The following RNF123 variants were observed in gnomAD, a reference collection of about 807,000 sequenced individuals.
RNF123 encodes the protein E3 ubiquitin-protein ligase RNF123.
In RNF123, 86 loss-of-function variants were observed where a neutral mutation model predicts 168.5. The observed-to-expected ratio is 0.51, with a 90% confidence interval of 0.43 to 0.61. RNF123 has a LOEUF of 0.61. RNF123 is among the 20% of genes least tolerant of loss of function. The probability of loss-of-function intolerance (pLI) is 0.00; values close to 1 mark genes in which losing one functional copy is unlikely to be tolerated. For missense variants in RNF123, 1,419 were observed against 1,729.7 expected, an observed-to-expected ratio of 0.82 and a Z score of 3.19; for synonymous variants, 666 against 689.1, an observed-to-expected ratio of 0.97 and a Z score of 0.52.
chr3:49,701,805 G>C lies in RNF123; in HGVS notation c.1396-6G>C. On this transcript the variant is annotated splice_polypyrimidine_tract_variant and splice_region_variant and intron_variant, in intron 16 of 38. Transcript: ENST00000327697. ...CTGCTGTATTCCACCTGCTACCCCT[G>C]CCTAGGGCAAAGAGAGCACGGAGAT... 1 of 1,567,754 alleles carries C rather than the reference G, an allele frequency of 6.4e-7. No individual in the cohort carries two copies. The highest frequency in any genetic ancestry group is 1.2e-5 in the South Asian group (1 of 85,394).
In RNF123 at chr3:49,691,189, G is replaced by A; in HGVS notation, c.24G>A (p.Met8Ile). 6.2e-7 allele frequency: 1 copy of A among 1,613,926 alleles called. No homozygotes were observed. The highest frequency in any genetic ancestry group is 8.5e-7 in the Non-Finnish European group (1 of 1,179,834). MASKGAG[M>I]SFSRKSYRLT... ...GGATGGCATCCAAGGGGGCCGGCAT[G>A]TCTTTCTCCCGCAAGAGCTATAGGC... Residue 8 changes from methionine to isoleucine, a missense_variant, in exon 2 of 39, where the codon ATG (methionine) becomes ATA (isoleucine). Physicochemically the swap from Met to Ile is conservative, Grantham distance 10 (BLOSUM62 1). Transcript: ENST00000327697.
chr3:49,702,868 C>A, intron 20 of RNF123, 115 bp downstream of exon 20: 1 of 1,490,352 alleles, frequency 6.7e-7, no homozygotes, highest in Non-Finnish European at 9.1e-7. Context: ...GAGTTGTCCC[C>A]GGCATCCTGC....
intron 35 of RNF123, chr3:49,718,088 C>G: frequency 6.2e-7 from 1 of 1,613,614 alleles, no homozygotes; most frequent in South Asian, 1.1e-5. Flanking sequence ...CCCCTCCGGC[C>G]TGGCTCCAGA....
chr3:49,717,968 C>T (rs1245396749), intron 35 of RNF123: 1 of 1,612,892 alleles, frequency 6.2e-7, no homozygotes, highest in South Asian at 1.1e-5. Flanking sequence ...GTCATGGGAC[C>T]CTCGGAGCCT....
Position 49,719,479 on chromosome 3 carries a change from A to G in RNF123, c.3501-1032A>G, listed in dbSNP as rs759570795. The G allele has an allele frequency of 4.4e-6, 7 of 1,604,224 alleles. No individual in the cohort carries two copies. The East Asian group carries it at 1.6e-4, about 36-fold the overall frequency. On this transcript the variant is annotated intron_variant, in intron 35 of 38. Coordinates refer to ENST00000327697, the MANE Select transcript of RNF123 (RefSeq NM_022064.5). ...CAACCAGGTCATGGCGGCGACCACC[A>G]GGGACAGTACAGAGCAGCTCTGTGC...
chr3:49,716,486 TGG>T lies in RNF123; in HGVS notation c.3500+12_3500+13del, dbSNP rs773924969. The T allele has an allele frequency of 1.4e-5, 23 of 1,612,366 alleles. No individual in the cohort carries two copies. In the African/African-American group the frequency reaches 2.3e-4, roughly 16 times the overall value. ...CGTGGCCCAGCCTCAGAGTGAGTGT[TGG>T]GGACCGTGGGCCCCTGTGGGAGTTG... On this transcript the variant is annotated intron_variant, in intron 35 of 38. Coordinates refer to ENST00000327697, the MANE Select transcript of RNF123 (RefSeq NM_022064.5).
rs2108191101 is a variant in RNF123, at chr3:49,706,847, G to A, written c.2445G>A (p.Leu815=). The A allele has an allele frequency of 6.2e-7, 1 of 1,614,194 alleles. No individual in the cohort carries two copies. Among genetic ancestry groups the A allele is most frequent in the Admixed American group, 1.7e-5 (1 of 60,018 alleles). ...TKSQKVFSEK[L]DHLSRRLAWV... is the part of the protein sequence containing the mutation. ...GCCAGAAGGTTTTCTCAGAAAAGCT[G>A]GACCACCTGAGCCGCCGTCTTGCCT... Residue 815 remains leucine (L), a synonymous_variant, in exon 26 of 39, where the codon CTG becomes CTA. Transcript: ENST00000327697.
rs2054367167 is a variant in RNF123 at position 49,700,800 on chromosome 3, T to G, written c.1277+91T>G. 8 of 1,370,416 alleles carry G rather than the reference T, an allele frequency of 5.8e-6. No homozygotes were observed. The Admixed American group carries it at 1.0e-4, about 17-fold the overall frequency. 84.9% of individuals were successfully genotyped at this position (1,370,416 alleles called of 1,614,324 possible). ...AAGGGGAGTGTCATCAGGCCAGGGGTCCCCTGGGAGCATCAGGAGGACCAG... is the reference window on the plus strand; with the variant it reads ...AAGGGGAGTGTCATCAGGCCAGGGGGCCCCTGGGAGCATCAGGAGGACCAG... On this transcript the variant is annotated intron_variant, in intron 15 of 38. Transcript: ENST00000327697.
At chr3:49,707,456 C>T (rs973373041) in intron 26 of RNF123, among the ~76,000 whole-genome samples, 2 of 152,258 alleles carry the variant, frequency 1.3e-5, no homozygotes, top group Admixed American at 1.3e-4. Flanking sequence ...TGGTCAGATA[C>T]ATGGATGGAC....
intron 3 of RNF123, 86 bp from the exon 4 acceptor site, chr3:49,697,057 T>G: frequency 8.8e-6 from 10 of 1,141,016 alleles, no homozygotes; most frequent in Non-Finnish European, 1.2e-5. Context: ...AGCCCCCCTG[T>G]GAGCTCAGGG....
At position 49,699,194 on chromosome 3, in the gene RNF123, C is replaced by A; in HGVS notation, c.764+89C>A. 1 of 1,509,296 alleles carries A rather than the reference C, an allele frequency of 6.6e-7. No homozygotes were observed. Among genetic ancestry groups the A allele is most frequent in the Non-Finnish European group, 8.9e-7 (1 of 1,121,262 alleles). The allele number at this position is 1,509,296 out of a possible 1,614,324, so 93.5% of individuals were successfully genotyped here. A position where few individuals can be genotyped will look rare whatever the true frequency, so the allele number is the denominator to read the frequency against. On this transcript the variant is annotated intron_variant, in intron 10 of 38. Coordinates refer to ENST00000327697, the MANE Select transcript of RNF123 (RefSeq NM_022064.5). The surrounding 1 kb of genome is among the most constrained non-coding windows in gnomAD (Gnocchi z 4.8). ...CTCCCTACCCCAGGGGTGCCATGGG[C>A]TGGTGGCAGGCCCTGGCTGCTGCAG...
In RNF123 at chr3:49,713,526, C is replaced by T; in HGVS notation, c.2688C>T (p.Thr896=). The change falls in exon 28 of 39, where the codon ACC becomes ACT. Residue 896 remains threonine (T), a synonymous_variant. Transcript: ENST00000327697. ...CCACCCTTGCAGGCTATGAAGAGAC[C>T]CTGACCCGCCTGGCTGCCATTCTCG... is the stretch of plus-strand genomic sequence containing the variant. ...SMEELPGYEE[T]LTRLAAILAK... is the part of the protein sequence containing the mutation. 6.2e-7 allele frequency: 1 copy of T among 1,610,182 alleles called. No individual in the cohort carries two copies. Among genetic ancestry groups the T allele is most frequent in the Non-Finnish European group, 8.5e-7 (1 of 1,178,442 alleles).
chr3:49,718,189 A>G, intron 35 of RNF123: 6 of 1,612,826 alleles, frequency 3.7e-6, no homozygotes, highest in Non-Finnish European at 5.1e-6. Flanking sequence ...CAGCTCTTGG[A>G]GCGGGCTGGG....
intron 34 of RNF123, 53 bp from the exon 35 acceptor site, chr3:49,716,340 C>A: frequency 6.3e-7 from 1 of 1,587,378 alleles, no homozygotes; most frequent in South Asian, 1.1e-5. Context: ...GGCCTGGAGC[C>A]CTTGAAGCAG....
At chr3:49,704,814 G>T in intron 22 of RNF123, 58 bp downstream of exon 22, 1 of 1,481,520 alleles carries the variant, frequency 6.7e-7, no homozygotes, top group Non-Finnish European at 9.1e-7. Context: ...TATCTTATGG[G>T]CAGGGGTCTC....
At position 49,699,888 on chromosome 3, in the gene RNF123, C is replaced by A; in HGVS notation, c.984+116C>A. Reference sequence around the variant, plus strand: ...GCTGAGGTCCCACAGCATCACCTGGCGAGGGCCCCATGTGACCAGGGCCCT... The same window carrying A: ...GCTGAGGTCCCACAGCATCACCTGGAGAGGGCCCCATGTGACCAGGGCCCT... On this transcript the variant is annotated intron_variant, in intron 12 of 38. Transcript: ENST00000327697. This position sits in a 1 kb window ranked among gnomAD's most constrained non-coding sequence, Gnocchi z 4.8. The A allele has an allele frequency of 8.8e-7, 1 of 1,135,106 alleles. No individual in the cohort carries two copies. 70.3% of individuals were successfully genotyped at this position (1,135,106 alleles called of 1,614,324 possible).
Position 49,700,299 on chromosome 3 carries a change from C to T in RNF123, c.1057C>T (p.Gln353Ter), listed in dbSNP as rs777772228. ...LGIVEKGTPTQAQSVVHQVLD... is the reference protein window; with the variant it reads ...LGIVEKGTPT ...CATCGTGGAGAAGGGCACACCCACA[C>T]AGGCACAGTCCGTGGTGCACCAGGT... The change falls in exon 13 of 39, where the codon CAG becomes TAG. Residue 353 changes from glutamine (Q) to a stop codon, truncating the protein, a stop_gained. Coordinates refer to ENST00000327697, the MANE Select transcript of RNF123 (RefSeq NM_022064.5). LOFTEE classifies it high-confidence loss of function. 6.2e-7 allele frequency: 1 copy of T among 1,614,232 alleles called. No homozygotes were observed.
chr3:49,718,618 C>T (rs1373330531), intron 35 of RNF123: 1 of 1,612,986 alleles, frequency 6.2e-7, no homozygotes, highest in Non-Finnish European at 8.5e-7. Flanking sequence ...CTCTTCCGGC[C>T]GCTCTAGGCC....
At chr3:49,720,490 C>T (rs1462490902) in intron 35 of RNF123, 21 bp from the exon 36 acceptor site, 3 of 1,541,348 alleles carry the variant, frequency 1.9e-6, no homozygotes, top group South Asian at 2.5e-5. Flanking sequence ...TCTGACTGCC[C>T]TTGCACCCTC....
Sources: gnomAD v4.1 joint callset for allele counts (sites outside exome capture counted in the v4.1 genomes callset) on GRCh38, gnomAD v4.1.1 for gene constraint, Gnocchi (gnomAD v3.1) non-coding constraint, MANE v1.5 for transcripts, NCBI Gene and HGNC (gene_info 2026-07-23, HGNC 2026-07-21) for gene names.